The following LINGO2 variants were observed in gnomAD, a reference collection of about 807,000 sequenced individuals.
The protein encoded by LINGO2 is leucine-rich repeat and immunoglobulin-like domain-containing nogo receptor-interacting protein 2.
In LINGO2, 14 loss-of-function variants were observed where a neutral mutation model predicts 30.6. The ratio of observed to expected loss-of-function variants is 0.46; its 90% CI spans 0.30 to 0.72. The LOEUF (loss-of-function observed/expected upper bound fraction) is 0.72, where lower values mean the gene tolerates loss of function less well. LINGO2 is among the 30% of genes least tolerant of loss of function. The pLI is 0.07. For missense variants in LINGO2, 729 were observed against 751.7 expected (o/e 0.97, Z 0.35); for synonymous variants, 317 against 288.5 (o/e 1.10, Z -1.00).
At chr9:28,483,239 A>C (rs1215207085) in intron 1 of LINGO2, among the ~76,000 whole-genome samples, 1 of 152,096 alleles carries the variant, frequency 6.6e-6, no homozygotes, top group Non-Finnish European at 1.5e-5. Flanking sequence ...AATCTTGCTG[A>C]TATTCCTATC....
At chr9:28,677,065 GTACAT>G in the LINGO2 span, among the ~76,000 whole-genome samples, 14 of 152,046 alleles carry the variant, frequency 9.2e-5, no homozygotes, top group Non-Finnish European at 1.8e-4. Flanking sequence ...ACTGTTCTAA[GTACAT>G]TACATTTATT....
intron 1 of LINGO2, among the ~76,000 whole-genome samples, chr9:28,597,056 T>A (rs969420402): frequency 1.6e-4 from 24 of 152,154 alleles, no homozygotes; most frequent in African/African-American, 5.8e-4. Flanking sequence ...AATGATTCAA[T>A]GATAAAACTA....
chr9:27,945,404 A>T (rs1186227932), downstream of LINGO2, among the ~76,000 whole-genome samples: 1 of 152,156 alleles, frequency 6.6e-6, no homozygotes, highest in Non-Finnish European at 1.5e-5. Flanking sequence ...CAGAATAATG[A>T]AAAAAGAATC....
At chr9:28,887,416 T>C in the LINGO2 span, among the ~76,000 whole-genome samples, 1 of 152,062 alleles carries the variant, frequency 6.6e-6, no homozygotes, top group African/African-American at 2.4e-5. Flanking sequence ...TTCTCAACTC[T>C]CTCCTGATTG....
Position 28,638,248 on chromosome 9 carries a change from G to A in LINGO2, c.-365+31952C>T, listed in dbSNP as rs569693419. On this transcript the variant is annotated intron_variant, in intron 1 of 5. Coordinates refer to ENST00000379992, the Ensembl canonical transcript of LINGO2. Reference sequence around the variant, plus strand: ...GTATTTAATTGAGGATTTCTGCATCGATGTTCATCAGGGATATTGGTCTAA... The same window carrying A: ...GTATTTAATTGAGGATTTCTGCATCAATGTTCATCAGGGATATTGGTCTAA... 3.7e-4 allele frequency among the ~76,000 whole-genome samples: 56 copies of A among 152,164 alleles called. 2 individuals carry two copies. Among genetic ancestry groups the A allele is most frequent in the African/African-American group, 7.9e-4 (33 of 41,534 alleles).
chr9:28,973,101 T>A, the LINGO2 span, among the ~76,000 whole-genome samples: 3 of 152,078 alleles, frequency 2.0e-5, no homozygotes, highest in South Asian at 6.2e-4. Context: ...GACAAGGACA[T>A]AGGGGTAGAA....
the LINGO2 span, among the ~76,000 whole-genome samples, chr9:28,795,502 GGTATCT>G: frequency 2.6e-5 from 4 of 151,752 alleles, no homozygotes; most frequent in African/African-American, 9.7e-5. Context: ...AAAATGTCAT[GGTATCT>G]GTGCTATAAA....
the LINGO2 span, among the ~76,000 whole-genome samples, chr9:28,715,164 G>T: frequency 1.3e-5 from 2 of 152,058 alleles, no homozygotes; most frequent in Admixed American, 6.6e-5. Context: ...TCCAATTACT[G>T]CTTTCAGTGT....
At chr9:28,285,883 C>T (rs1281599037) in intron 4 of LINGO2, among the ~76,000 whole-genome samples, 1 of 152,046 alleles carries the variant, frequency 6.6e-6, no homozygotes, top group Non-Finnish European at 1.5e-5. Flanking sequence ...TAGTACATAC[C>T]CAACAGCCAG....
At chr9:29,033,753 C>T in the LINGO2 span, among the ~76,000 whole-genome samples, 1 of 151,824 alleles carries the variant, frequency 6.6e-6, no homozygotes, top group Non-Finnish European at 1.5e-5. Context: ...AATGTTATTA[C>T]TCTAAAATTC....
intron 3 of LINGO2, among the ~76,000 whole-genome samples, chr9:28,347,067 T>A (rs1479917202): frequency 6.6e-6 from 1 of 152,152 alleles, no homozygotes; most frequent in Admixed American, 6.5e-5. Flanking sequence ...AAAAGTGTCA[T>A]TTTTTGCAGA....
chr9:28,401,492 T>G (rs1031636061), intron 2 of LINGO2, among the ~76,000 whole-genome samples: 5 of 152,338 alleles, frequency 3.3e-5, no homozygotes, highest in African/African-American at 1.2e-4. Flanking sequence ...CTGCAGAGTA[T>G]TCCATGGTAT....
the LINGO2 span, among the ~76,000 whole-genome samples, chr9:28,942,444 C>T: frequency 6.6e-6 from 1 of 152,150 alleles, no homozygotes; most frequent in Non-Finnish European, 1.5e-5. Flanking sequence ...AACCAAATAA[C>T]TGAATCCAGA....
the LINGO2 span, among the ~76,000 whole-genome samples, chr9:29,068,811 A>G: frequency 6.6e-6 from 1 of 151,988 alleles, no homozygotes; most frequent in Non-Finnish European, 1.5e-5. Context: ...GGAAGCACAA[A>G]TATAGTATTA....
At chr9:28,055,039 A>AG (rs1554666915) in intron 4 of LINGO2, among the ~76,000 whole-genome samples, 1 of 151,656 alleles carries the variant, frequency 6.6e-6, no homozygotes, top group Non-Finnish European at 1.5e-5. Context: ...TTGCAAAAAA[A>AG]ATATATATAG....
chr9:28,789,975 A>T, the LINGO2 span, among the ~76,000 whole-genome samples: 5 of 152,198 alleles, frequency 3.3e-5, no homozygotes, highest in Admixed American at 3.3e-4. Flanking sequence ...TTCTATACAC[A>T]GTAGTCCCCC....
At chr9:29,204,849 G>A in the LINGO2 span, among the ~76,000 whole-genome samples, 2 of 152,100 alleles carry the variant, frequency 1.3e-5, no homozygotes, top group Non-Finnish European at 2.9e-5. Flanking sequence ...TAAAAGTGAT[G>A]ATAGCATACA....
At chr9:28,617,917 T>C (rs1826212865) in intron 1 of LINGO2, among the ~76,000 whole-genome samples, 1 of 152,156 alleles carries the variant, frequency 6.6e-6, no homozygotes, top group Non-Finnish European at 1.5e-5. Flanking sequence ...AAAAGATACA[T>C]GGTATAAATA....
At chr9:29,167,332 T>C in the LINGO2 span, among the ~76,000 whole-genome samples, 1 of 152,130 alleles carries the variant, frequency 6.6e-6, no homozygotes, top group Non-Finnish European at 1.5e-5. Context: ...ATGTAGCACT[T>C]CTGTTTTCGT....
Sources: allele counts gnomAD v4.1 joint callset (sites outside exome capture counted in the v4.1 genomes callset), GRCh38; gene constraint gnomAD v4.1.1; transcripts MANE v1.5; gene names NCBI Gene and HGNC (gene_info 2026-07-23, HGNC 2026-07-21).